The following KHDRBS2 variants were observed in gnomAD, a reference collection of about 807,000 sequenced individuals.
KHDRBS2 encodes the protein KH RNA binding domain containing, signal transduction associated 2, also known as KH domain-containing, RNA-binding, signal transduction-associated protein 2.
A neutral mutation model predicts 44.3 loss-of-function variants in KHDRBS2; 26 were observed. That is an observed-to-expected ratio of 0.59 (90% CI 0.43 to 0.81). The LOEUF (loss-of-function observed/expected upper bound fraction) is 0.81, where lower values mean the gene tolerates loss of function less well. KHDRBS2 is among the 40% of genes least tolerant of loss of function. The pLI is 0.00. For missense variants in KHDRBS2, 476 were observed against 433.1 expected (o/e 1.10, Z -0.88); for synonymous variants, 194 against 151.1 (o/e 1.28, Z -2.08).
intron 6 of KHDRBS2, among the ~76,000 whole-genome samples, chr6:61,889,748 C>G (rs1262552100): frequency 6.6e-6 from 1 of 152,170 alleles, no homozygotes; most frequent in African/African-American, 2.4e-5. Context: ...CCTCTGCACG[C>G]TCCAACAGCA....
chr6:61,675,493 T>C (rs1765877867), downstream of KHDRBS2, among the ~76,000 whole-genome samples: 1 of 151,720 alleles, frequency 6.6e-6, no homozygotes, highest in Non-Finnish European at 1.5e-5. Flanking sequence ...CTGTTAGTGC[T>C]TCAACGGTTA....
intron 4 of KHDRBS2, 59 bp from the exon 5 acceptor site, chr6:61,901,430 A>AC: frequency 2.7e-6 from 1 of 372,910 alleles, no homozygotes; most frequent in East Asian, 8.6e-5. Context: ...TCAGAGTTGG[A>AC]AAAAAAAAAA....
chr6:61,642,483 CTGT>C, the KHDRBS2 span, among the ~76,000 whole-genome samples: 1 of 127,374 alleles, frequency 7.9e-6, no homozygotes, highest in Non-Finnish European at 1.6e-5. Context: ...AGCTGAAACT[CTGT>C]TTCTATATTA....
the KHDRBS2 span, among the ~76,000 whole-genome samples, chr6:61,668,698 C>T: frequency 6.6e-6 from 1 of 150,942 alleles, no homozygotes; most frequent in African/African-American, 2.4e-5. Flanking sequence ...TGTTTAATCC[C>T]AGCACTTCTA....
In KHDRBS2 at chr6:62,286,069, T is replaced by G. The variant is rs1842456244; in HGVS notation, c.-121A>C. 1.4e-6 allele frequency: 1 copy of G among 693,636 alleles called. No homozygotes were observed. The highest frequency in any genetic ancestry group is 1.8e-5 in the African/African-American group (1 of 55,976). The allele number at this position is 693,636 out of a possible 1,614,324, so 43.0% of individuals were successfully genotyped here. ...CCTCCTCCGCGCGGCGAGGGATCTC[T>G]GTGCGTCCTCACTGGCCCATGCACC... is the stretch of plus-strand genomic sequence containing the variant. On this transcript the variant is annotated 5_prime_UTR_variant, in exon 1 of 9. Transcript: ENST00000281156.
At chr6:61,774,575 A>T (rs1781608960) in intron 6 of KHDRBS2, among the ~76,000 whole-genome samples, 1 of 152,094 alleles carries the variant, frequency 6.6e-6, no homozygotes, top group African/African-American at 2.4e-5. Flanking sequence ...AATACCTAGG[A>T]ATCCAACTTA....
rs184709351 is a variant in KHDRBS2 at position 62,175,526 on chromosome 6, C to T, written c.219+1659G>A. Among the ~76,000 whole-genome samples the T allele has an allele frequency of 1.5e-4, 22 of 151,496 alleles. No homozygotes were observed. The East Asian group carries it at 3.7e-3, about 25-fold the overall frequency. ...TCTATAACAGAAGCATGACCTTGAG[C>T]AATTCATACTTTTTCAGTTGCCTCA... On this transcript the variant is annotated intron_variant, in intron 2 of 8. Transcript: ENST00000281156.
chr6:62,126,197 T>C (rs1312886124), intron 2 of KHDRBS2, among the ~76,000 whole-genome samples: 2 of 152,126 alleles, frequency 1.3e-5, no homozygotes, highest in African/African-American at 4.8e-5. Flanking sequence ...AACATTAGCG[T>C]AGCTTGGCAG....
chr6:61,599,189 C>T, the KHDRBS2 span, among the ~76,000 whole-genome samples: 10 of 152,204 alleles, frequency 6.6e-5, no homozygotes, highest in African/African-American at 2.2e-4. Context: ...CTGCCTCGGC[C>T]TCCCAAAGTG....
At chr6:62,192,195 T>C (rs1824772732) in intron 1 of KHDRBS2, among the ~76,000 whole-genome samples, 1 of 152,114 alleles carries the variant, frequency 6.6e-6, no homozygotes, top group Non-Finnish European at 1.5e-5. Context: ...AATCTGATTT[T>C]TTAAATGAAT....
intron 1 of KHDRBS2, among the ~76,000 whole-genome samples, chr6:62,239,776 C>G (rs1323467141): frequency 6.6e-6 from 1 of 151,966 alleles, no homozygotes; most frequent in African/African-American, 2.4e-5. Flanking sequence ...ACTTCCACGT[C>G]CCAGGTTCAA....
intron 4 of KHDRBS2, among the ~76,000 whole-genome samples, chr6:61,905,857 T>TTC (rs1356398316): frequency 5.5e-5 from 8 of 144,302 alleles, no homozygotes; most frequent in South Asian, 2.3e-4. Context: ...AACTTTTCTT[T>TTC]TTTTTTTTTT....
At chr6:61,908,507 G>A (rs549434662) in intron 4 of KHDRBS2, among the ~76,000 whole-genome samples, 126 of 151,820 alleles carry the variant, frequency 8.3e-4, no homozygotes, top group African/African-American at 1.4e-3. Context: ...GGTGGTGAGC[G>A]CCTGTAGTTC....
At chr6:61,911,355 G>A (rs1247056968) in intron 4 of KHDRBS2, among the ~76,000 whole-genome samples, 1 of 152,108 alleles carries the variant, frequency 6.6e-6, no homozygotes, top group Non-Finnish European at 1.5e-5. Context: ...TGGGGAGACA[G>A]TGGAGGAAAG....
intron 6 of KHDRBS2, among the ~76,000 whole-genome samples, chr6:61,832,846 C>A (rs532333648): frequency 6.6e-6 from 1 of 152,154 alleles, no homozygotes; most frequent in South Asian, 2.1e-4. Flanking sequence ...CGTGATTGAA[C>A]CATGACTTTT....
rs192826986 is a variant in KHDRBS2, at chr6:62,285,360, A to G, written c.91+498T>C. 6.4e-4 allele frequency among the ~76,000 whole-genome samples: 98 copies of G among 152,356 alleles called. 1 individual carries two copies. The highest frequency in any genetic ancestry group is 2.2e-3 in the African/African-American group (93 of 41,582). ...CATTAACATACATATAAGAACATGC[A>G]TAGTTTAATGCATAGGTTAATTCTA... On this transcript the variant is annotated intron_variant, in intron 1 of 8. Coordinates refer to ENST00000281156, the MANE Select transcript of KHDRBS2 (RefSeq NM_152688.4).
At chr6:61,872,335 C>T (rs1221368532) in intron 6 of KHDRBS2, among the ~76,000 whole-genome samples, 1 of 151,800 alleles carries the variant, frequency 6.6e-6, no homozygotes, top group Non-Finnish European at 1.5e-5. Context: ...ATTTGTAAGC[C>T]TAAAGAATCT....
At chr6:61,664,053 A>T in the KHDRBS2 span, among the ~76,000 whole-genome samples, 1 of 151,842 alleles carries the variant, frequency 6.6e-6, no homozygotes. Context: ...AACCAGTCAA[A>T]GGTGAAACTT....
At chr6:61,839,879 C>G (rs1793328966) in intron 6 of KHDRBS2, among the ~76,000 whole-genome samples, 1 of 152,028 alleles carries the variant, frequency 6.6e-6, no homozygotes, top group South Asian at 2.1e-4. Flanking sequence ...ATTTCCTCTT[C>G]TTTTCAGTTC....
Sources: gnomAD v4.1 joint callset for allele counts (sites outside exome capture counted in the v4.1 genomes callset) on GRCh38, gnomAD v4.1.1 for gene constraint, MANE v1.5 for transcripts, NCBI Gene and HGNC (gene_info 2026-07-23, HGNC 2026-07-21) for gene names.